TRMT11: variants seen among roughly 807,000 people sequenced by gnomAD.
TRMT11 encodes tRNA methyltransferase 11, also known as tRNA (guanine(10)-N(2))-methyltransferase TRMT11.
In TRMT11, 53 loss-of-function variants were observed where a neutral mutation model predicts 62.8. The ratio of observed to expected loss-of-function variants is 0.84; its 90% CI spans 0.68 to 1.06. The LOEUF (loss-of-function observed/expected upper bound fraction) is 1.06, where lower values mean the gene tolerates loss of function less well. TRMT11 is among the 50% of genes least tolerant of loss of function. The probability of loss-of-function intolerance (pLI) is 0.00; values close to 1 mark genes in which losing one functional copy is unlikely to be tolerated. For synonymous variants in TRMT11, 188 were observed against 190.3 expected (o/e 0.99, Z 0.10); for missense variants, 556 against 553.4 (o/e 1.00, Z -0.05).
intron 3 of TRMT11, among the ~76,000 whole-genome samples, chr6:126,201,360 C>T (rs1351130761): frequency 6.6e-6 from 1 of 152,128 alleles, no homozygotes; most frequent in African/African-American, 2.4e-5. Context: ...TTAGATAGAA[C>T]AAAGGTGTGA....
intron 17 of TRMT11, among the ~76,000 whole-genome samples, chr6:126,082,401 A>G (rs1479655631): frequency 3.3e-5 from 5 of 152,080 alleles, no homozygotes; most frequent in African/African-American, 7.2e-5. Context: ...ATTGTGCACT[A>G]TAATATACAT....
At chr6:126,003,613 G>T (rs191387049) in intron 7 of TRMT11, among the ~76,000 whole-genome samples, 33 of 152,102 alleles carry the variant, frequency 2.2e-4, no homozygotes, top group Non-Finnish European at 4.3e-4. Flanking sequence ...GTGTTAATTT[G>T]TATGTCTATG....
intron 1 of TRMT11, among the ~76,000 whole-genome samples, chr6:126,191,665 A>G (rs1778602452): frequency 6.6e-6 from 1 of 151,852 alleles, no homozygotes; most frequent in South Asian, 2.1e-4. Flanking sequence ...CTGCATGTAG[A>G]TATCTAATTT....
At chr6:126,126,292 C>T (rs995909070) in intron 21 of TRMT11, among the ~76,000 whole-genome samples, 1 of 152,064 alleles carries the variant, frequency 6.6e-6, no homozygotes, top group Non-Finnish European at 1.5e-5. Flanking sequence ...AATGTATTTA[C>T]TCATATACAC....
chr6:126,093,629 A>ATATATG (rs1554236840), intron 17 of TRMT11, among the ~76,000 whole-genome samples: 2 of 94,040 alleles, frequency 2.1e-5, no homozygotes, highest in African/African-American at 9.2e-5. Context: ...ATATATATAT[A>ATATATG]TATTTTCCCC....
chr6:126,091,154 A>G (rs933365299), intron 17 of TRMT11, among the ~76,000 whole-genome samples: 4 of 151,304 alleles, frequency 2.6e-5, no homozygotes, highest in Middle Eastern at 6.8e-3. Flanking sequence ...CAGTGAGCCG[A>G]GATCGCGCCA....
rs1214466598 is a variant in TRMT11 at position 125,998,331 on chromosome 6, A to G, written c.387+16A>G. On this transcript the variant is annotated intron_variant, in intron 5 of 12. Coordinates refer to ENST00000334379, the MANE Select transcript of TRMT11 (RefSeq NM_001031712.3). ...GCGAATAGATGTAAGTAAATTTAGC[A>G]AAACAAAAAACCTACATGATGAATG... The G allele has an allele frequency of 6.6e-7, 1 of 1,521,992 alleles. No individual in the cohort carries two copies. The highest frequency in any genetic ancestry group is 9.1e-7 in the Non-Finnish European group (1 of 1,104,880). The allele number at this position is 1,521,992 out of a possible 1,614,324, so 94.3% of individuals were successfully genotyped here. A position where few individuals can be genotyped will look rare whatever the true frequency, so the allele number is the denominator to read the frequency against.
At chr6:126,176,215 G>A (rs746092271), upstream of TRMT11, among the ~76,000 whole-genome samples, 1 of 152,194 alleles carries the variant, frequency 6.6e-6, no homozygotes, top group Non-Finnish European at 1.5e-5. Flanking sequence ...CACAGTGAAA[G>A]CAATCCTGAG....
chr6:126,180,698 G>A (rs1008472956), intron 1 of TRMT11, among the ~76,000 whole-genome samples: 4 of 152,128 alleles, frequency 2.6e-5, no homozygotes, highest in Admixed American at 2.6e-4. Flanking sequence ...AACTGCTTAC[G>A]CATGTGGCAA....
At chr6:126,145,113 T>G (rs1448330257) in intron 21 of TRMT11, among the ~76,000 whole-genome samples, 2 of 152,176 alleles carry the variant, frequency 1.3e-5, no homozygotes, top group African/African-American at 4.8e-5. Flanking sequence ...CAAAGAAATA[T>G]CATTTACTAA....
At chr6:126,177,839 A>T (rs1261564300) in intron 1 of TRMT11, among the ~76,000 whole-genome samples, 1 of 152,126 alleles carries the variant, frequency 6.6e-6, no homozygotes, top group Non-Finnish European at 1.5e-5. Flanking sequence ...AATCCAAGGT[A>T]TACAGCCTCT....
intron 17 of TRMT11, among the ~76,000 whole-genome samples, chr6:126,109,960 C>T (rs1301377669): frequency 1.3e-5 from 2 of 152,108 alleles, no homozygotes; most frequent in African/African-American, 4.8e-5. Flanking sequence ...AAGAAGGCAC[C>T]AAGGATGGGG....
chr6:126,190,020 C>T, intron 1 of TRMT11, among the ~76,000 whole-genome samples: 1 of 152,028 alleles, frequency 6.6e-6, no homozygotes, highest in East Asian at 1.9e-4. Flanking sequence ...TTGAGATATA[C>T]ATCACCTCAA....
the TRMT11 span, among the ~76,000 whole-genome samples, chr6:126,225,356 C>G: frequency 6.6e-6 from 1 of 152,160 alleles, no homozygotes; most frequent in African/African-American, 2.4e-5. Context: ...CATCCCTTCT[C>G]CAGTAGCTGC....
chr6:126,168,226 G>C (rs1778290367), intron 21 of TRMT11, among the ~76,000 whole-genome samples: 1 of 152,204 alleles, frequency 6.6e-6, no homozygotes, highest in African/African-American at 2.4e-5. Flanking sequence ...TAGAAAAGCT[G>C]TGTAGTCAGA....
At chr6:126,041,512 C>G (rs773160116), downstream of TRMT11, among the ~76,000 whole-genome samples, 1 of 152,026 alleles carries the variant, frequency 6.6e-6, no homozygotes, top group Non-Finnish European at 1.5e-5. Flanking sequence ...GAAATATTAT[C>G]AAATATTGCT....
chr6:126,150,472 A>C (rs1778026184), intron 21 of TRMT11, among the ~76,000 whole-genome samples: 1 of 152,198 alleles, frequency 6.6e-6, no homozygotes, highest in African/African-American at 2.4e-5. Context: ...ACAGTACCTC[A>C]ATCGCTGTAT....
At chr6:126,251,211 A>G in the TRMT11 span, among the ~76,000 whole-genome samples, 5 of 151,564 alleles carry the variant, frequency 3.3e-5, no homozygotes, top group African/African-American at 1.2e-4. Context: ...TTGTATTTTT[A>G]GTAGAGATGG....
At chr6:126,053,408 AC>A (rs1319525609) in intron 17 of TRMT11, among the ~76,000 whole-genome samples, 2 of 152,196 alleles carry the variant, frequency 1.3e-5, no homozygotes, top group Admixed American at 1.3e-4. Flanking sequence ...TTTTATAGAA[AC>A]TAAACAGTCC....
Sources: allele counts gnomAD v4.1 joint callset (sites outside exome capture counted in the v4.1 genomes callset), GRCh38; gene constraint gnomAD v4.1.1; transcripts MANE v1.5; gene names NCBI Gene and HGNC (gene_info 2026-07-23, HGNC 2026-07-21).